Variants in EDA observed in about 807,000 individuals in gnomAD.
EDA encodes the protein ectodysplasin A.
Under a neutral mutation model 23.6 loss-of-function variants are expected in EDA, and 2 were observed. The observed-to-expected ratio is 0.08, with a 90% confidence interval of 0.03 to 0.27. EDA has a LOEUF of 0.27. EDA is among the 10% of genes least tolerant of loss of function. The pLI, the probability that EDA is intolerant of heterozygous loss-of-function variation, is 1.00. For synonymous variants in EDA, 131 were observed against 132.0 expected, an observed-to-expected ratio of 0.99 and a Z score of 0.05; for missense variants, 229 against 324.2, an observed-to-expected ratio of 0.71 and a Z score of 2.26.
intron 1 of EDA, among the ~76,000 whole-genome samples, chrX:69,667,124 T>TC (rs200680410): frequency 0.2 from 18,958 of 96,715 alleles, 1,813 homozygotes; most frequent in Non-Finnish European, 0.21. Flanking sequence ...TTTTTCTTTT[T>TC]TTTTTTTTTT....
At chrX:69,913,064 G>T (rs888307555) in intron 1 of EDA, among the ~76,000 whole-genome samples, 1 of 111,668 alleles carries the variant, frequency 9.0e-6, no homozygotes, top group Non-Finnish European at 1.9e-5. Context: ...CACCACACCC[G>T]GTGAAGATTT....
intron 1 of EDA, among the ~76,000 whole-genome samples, chrX:69,754,860 G>A (rs1354438522): frequency 8.9e-6 from 1 of 112,039 alleles, no homozygotes; most frequent in Admixed American, 9.4e-5. Flanking sequence ...ACTGAAGCTT[G>A]TGCATGCATC....
intron 1 of EDA, chrX:69,937,087 A>G: frequency 1.4e-6 from 1 of 698,827 alleles, no homozygotes; most frequent in East Asian, 3.3e-5. Flanking sequence ...CAAAGGATTC[A>G]ACCAGAGATA....
intron 1 of EDA, among the ~76,000 whole-genome samples, chrX:69,906,562 G>A (rs1483574975): frequency 8.9e-6 from 1 of 112,299 alleles, no homozygotes; most frequent in East Asian, 2.8e-4. Flanking sequence ...ATTGGATTTT[G>A]TGAAGCTTTT....
chrX:69,836,977 C>T (rs1387593276), intron 1 of EDA, among the ~76,000 whole-genome samples: 1 of 112,248 alleles, frequency 8.9e-6, no homozygotes, highest in East Asian at 2.8e-4. Flanking sequence ...TCTTCAAAAT[C>T]TAGCTGAATA....
intron 1 of EDA, among the ~76,000 whole-genome samples, chrX:69,865,563 G>A (rs1016815205): frequency 9.0e-6 from 1 of 111,465 alleles, no homozygotes; most frequent in African/African-American, 3.3e-5. Flanking sequence ...GATTAAGGGT[G>A]GATTTGCCTT....
At chrX:69,978,376 G>A (rs1203022468) in intron 2 of EDA, among the ~76,000 whole-genome samples, 4 of 89,878 alleles carry the variant, frequency 4.5e-5, no homozygotes, top group South Asian at 1.2e-3. Context: ...GGTGGTACAC[G>A]TCTGTAATCC....
At chrX:69,937,435 C>T in intron 1 of EDA, 2 of 769,049 alleles carry the variant, frequency 2.6e-6, no homozygotes. Flanking sequence ...AGGTACTTCA[C>T]ATCATAAATG....
chrX:69,801,959 A>G (rs1202079091), intron 1 of EDA, among the ~76,000 whole-genome samples: 2 of 111,555 alleles, frequency 1.8e-5, no homozygotes, highest in Non-Finnish European at 3.8e-5. Context: ...ATTAAAGTTG[A>G]AGATGTATGT....
At chrX:69,720,700 C>G (rs1485827540) in intron 1 of EDA, among the ~76,000 whole-genome samples, 7 of 112,215 alleles carry the variant, frequency 6.2e-5, no homozygotes, top group African/African-American at 2.3e-4. Context: ...TATAGAGTTT[C>G]CATTTGGTTC....
At chrX:69,997,821 T>C (rs2019682155) in intron 2 of EDA, among the ~76,000 whole-genome samples, 1 of 112,492 alleles carries the variant, frequency 8.9e-6, no homozygotes, top group Admixed American at 9.3e-5. Flanking sequence ...CTTCAGAGGT[T>C]GCAAGCCCCA....
chrX:69,726,855 G>A (rs1215627437), intron 1 of EDA, among the ~76,000 whole-genome samples: 1 of 112,238 alleles, frequency 8.9e-6, no homozygotes, highest in Non-Finnish European at 1.9e-5. Context: ...GTGCTTTTGG[G>A]CTCTGGCCCC....
At chrX:69,688,775 G>A (rs1221513526) in intron 1 of EDA, among the ~76,000 whole-genome samples, 1 of 111,760 alleles carries the variant, frequency 8.9e-6, no homozygotes, top group Admixed American at 9.5e-5. Context: ...AGGATAATGA[G>A]GTGGTGACAA....
chrX:69,993,042 A>G (rs896552782), intron 2 of EDA, among the ~76,000 whole-genome samples: 3 of 110,990 alleles, frequency 2.7e-5, no homozygotes, highest in African/African-American at 9.8e-5. Flanking sequence ...AATTGCTCCA[A>G]CACCATTCAT....
chrX:69,626,288 G>T (rs940739453), intron 1 of EDA, among the ~76,000 whole-genome samples: 14 of 111,593 alleles, frequency 1.3e-4, no homozygotes, highest in Non-Finnish European at 2.5e-4. Context: ...ATATGACCCA[G>T]CATTTCCACT....
chrX:69,683,835 T>G, intron 1 of EDA, among the ~76,000 whole-genome samples: 1 of 112,655 alleles, frequency 8.9e-6, no homozygotes, highest in South Asian at 3.6e-4. Flanking sequence ...AATTTATTTC[T>G]TAGGTATCCT....
chrX:69,787,701 C>G (rs1032757334), intron 1 of EDA, among the ~76,000 whole-genome samples: 4 of 111,348 alleles, frequency 3.6e-5, no homozygotes, highest in African/African-American at 1.3e-4. Context: ...GTAACCTGAC[C>G]TTTCTCTCTG....
intron 2 of EDA, among the ~76,000 whole-genome samples, chrX:69,978,703 A>G (rs2019359682): frequency 9.1e-6 from 1 of 110,263 alleles, no homozygotes; most frequent in Non-Finnish European, 1.9e-5. Flanking sequence ...CAATTCCCCT[A>G]TTCCCTCTCC....
intron 1 of EDA, among the ~76,000 whole-genome samples, chrX:69,889,265 G>A (rs1407499729): frequency 1.9e-5 from 2 of 106,519 alleles, no homozygotes; most frequent in Non-Finnish European, 3.9e-5. Context: ...TTCCCACTTC[G>A]TCCTCCATAG....
Sources: allele counts gnomAD v4.1 joint callset (sites outside exome capture counted in the v4.1 genomes callset), GRCh38; gene constraint gnomAD v4.1.1; transcripts MANE v1.5; gene names NCBI Gene and HGNC (gene_info 2026-07-23, HGNC 2026-07-21).